Variants in CFAP299 observed in about 807,000 individuals in gnomAD.
CFAP299 encodes cilia and flagella associated protein 299.
Under a neutral mutation model 27.0 loss-of-function variants are expected in CFAP299, and 21 were observed. That is an observed-to-expected ratio of 0.78 (90% confidence interval 0.55 to 1.12). The LOEUF (loss-of-function observed/expected upper bound fraction) is 1.12. Among genes scored for constraint, CFAP299 ranks in the 50% most tolerant of loss-of-function variants. The pLI is 0.00. For synonymous variants in CFAP299, 104 were observed against 98.1 expected, an observed-to-expected ratio of 1.06 and a Z score of -0.36; for missense variants, 310 against 276.6, an observed-to-expected ratio of 1.12 and a Z score of -0.86.
the CFAP299 span, among the ~76,000 whole-genome samples, chr4:80,330,340 T>C: frequency 5.9e-5 from 9 of 152,186 alleles, no homozygotes; most frequent in Admixed American, 5.9e-4. Context: ...ACACTTCTTT[T>C]GGCTTTCTTT....
At chr4:80,725,804 C>G (rs772784617) in intron 3 of CFAP299, among the ~76,000 whole-genome samples, 1 of 152,150 alleles carries the variant, frequency 6.6e-6, no homozygotes, top group Non-Finnish European at 1.5e-5. Flanking sequence ...TTGACTGATA[C>G]CTGAGTTCCA....
intron 3 of CFAP299, among the ~76,000 whole-genome samples, chr4:80,682,340 T>G (rs1286421328): frequency 3.3e-5 from 5 of 152,182 alleles, no homozygotes; most frequent in African/African-American, 1.2e-4. Flanking sequence ...GTTTACTTTT[T>G]ACTCTTTTGA....
chr4:80,865,477 A>G (rs940036006), intron 3 of CFAP299, among the ~76,000 whole-genome samples: 1 of 152,172 alleles, frequency 6.6e-6, no homozygotes, highest in African/African-American at 2.4e-5. Flanking sequence ...TTCTGCCTCT[A>G]TAACCCTCAA....
chr4:80,328,173 G>C, the CFAP299 span, among the ~76,000 whole-genome samples: 1 of 152,114 alleles, frequency 6.6e-6, no homozygotes, highest in Non-Finnish European at 1.5e-5. Context: ...GATAAATATA[G>C]ATTACTCTTT....
intron 3 of CFAP299, among the ~76,000 whole-genome samples, chr4:80,617,977 ATTAAC>A (rs1249975769): frequency 6.6e-6 from 1 of 152,182 alleles, no homozygotes; most frequent in African/African-American, 2.4e-5. Context: ...ATATATAGTC[ATTAAC>A]TTAAATTAAG....
chr4:80,333,346 T>C (rs903847910), upstream of CFAP299, among the ~76,000 whole-genome samples: 1 of 152,228 alleles, frequency 6.6e-6, no homozygotes, highest in Non-Finnish European at 1.5e-5. Context: ...TCTGCAGTCA[T>C]AGTTAACAAG....
At position 80,449,202 on chromosome 4, in the gene CFAP299, A is replaced by G. The variant is rs146083485; in HGVS notation, c.242+86318A>G. 3.3e-4 allele frequency among the ~76,000 whole-genome samples: 50 copies of G among 152,264 alleles called. No individual in the cohort carries two copies. The East Asian group carries it at 9.1e-3, about 28-fold the overall frequency. On this transcript the variant is annotated intron_variant, in intron 2 of 5. Coordinates refer to ENST00000358105, the MANE Select transcript of CFAP299 (RefSeq NM_152770.3). The stretch of plus-strand genomic sequence containing the variant: ...GAGTTTTTGCTCACTTTTCTGCTTC[A>G]GTGTGACTATTATTTGAATCACCAT...
intron 3 of CFAP299, among the ~76,000 whole-genome samples, chr4:80,795,279 T>C (rs1232673642): frequency 6.6e-6 from 1 of 152,194 alleles, no homozygotes; most frequent in African/African-American, 2.4e-5. Context: ...GCCAAACCAT[T>C]GGCCACAGCC....
chr4:80,696,319 G>A (rs1199110833), intron 3 of CFAP299, among the ~76,000 whole-genome samples: 1 of 149,962 alleles, frequency 6.7e-6, no homozygotes, highest in Non-Finnish European at 1.5e-5. Flanking sequence ...AGAAGAAGTA[G>A]AATTTAATCC....
chr4:80,726,633 T>A (rs867568399), intron 3 of CFAP299, among the ~76,000 whole-genome samples: 2 of 152,208 alleles, frequency 1.3e-5, no homozygotes, highest in African/African-American at 4.8e-5. Flanking sequence ...TATCTGTCTT[T>A]GTAATGCTTT....
chr4:80,348,161 G>T (rs1039769882), intron 1 of CFAP299, among the ~76,000 whole-genome samples: 2 of 152,126 alleles, frequency 1.3e-5, no homozygotes, highest in Non-Finnish European at 2.9e-5. Context: ...ATTGATTAAA[G>T]ACTTAAATGT....
intron 3 of CFAP299, among the ~76,000 whole-genome samples, chr4:80,844,193 G>T (rs1731032139): frequency 6.6e-6 from 1 of 152,124 alleles, no homozygotes; most frequent in African/African-American, 2.4e-5. Flanking sequence ...TTGCTATTGT[G>T]AATAGTGCCA....
Position 80,880,883 on chromosome 4 carries a change from G to A in CFAP299, c.476+10748G>A, listed in dbSNP as rs79148550. The stretch of plus-strand genomic sequence containing the variant: ...CATGATTTCTCCTATAGTGGGGAAA[G>A]TGAGATTGCAGTGTGTGCCTGGCCA... On this transcript the variant is annotated intron_variant, in intron 4 of 5. Transcript: ENST00000358105. Among the ~76,000 whole-genome samples the A allele has an allele frequency of 1.8e-4, 27 of 152,336 alleles. 2 individuals carry two copies. In the East Asian group the frequency reaches 5.2e-3, roughly 29 times the overall value.
chr4:80,655,269 A>G (rs1560680155), intron 3 of CFAP299, among the ~76,000 whole-genome samples: 1 of 152,172 alleles, frequency 6.6e-6, no homozygotes, highest in Non-Finnish European at 1.5e-5. Context: ...TGGCTAAGCA[A>G]TCTCTCTAAC....
chr4:80,526,206 A>G (rs1733166024), intron 2 of CFAP299, among the ~76,000 whole-genome samples: 2 of 152,110 alleles, frequency 1.3e-5, no homozygotes, highest in Non-Finnish European at 2.9e-5. Context: ...TACTCAGAAA[A>G]CTTGAGGTGA....
chr4:80,559,875 A>G (rs775600927), intron 2 of CFAP299, among the ~76,000 whole-genome samples: 3 of 152,176 alleles, frequency 2.0e-5, no homozygotes, highest in African/African-American at 4.8e-5. Context: ...TGTGTCTCCA[A>G]GTAAACTTGA....
intron 3 of CFAP299, among the ~76,000 whole-genome samples, chr4:80,798,896 G>A (rs1038238749): frequency 2.0e-5 from 3 of 151,562 alleles, no homozygotes; most frequent in African/African-American, 7.3e-5. Flanking sequence ...TAACAGCAAG[G>A]ATTATCAGTG....
rs1424092285 is a variant in CFAP299 at position 80,856,273 on chromosome 4, G to T, written c.334-13720G>T. On this transcript the variant is annotated intron_variant, in intron 3 of 5. Transcript: ENST00000358105. Reference sequence around the variant, plus strand: ...GGGGTTGTTTTTTTCTTGTAAATTTGTTTGAGTTCAGTGTAGATTCTGGAT... The same window carrying T: ...GGGGTTGTTTTTTTCTTGTAAATTTTTTTGAGTTCAGTGTAGATTCTGGAT... Among the ~76,000 whole-genome samples the T allele has an allele frequency of 1.4e-5, 2 of 145,206 alleles. 1 individual carries two copies.
At chr4:80,774,733 G>T (rs1726426250) in intron 3 of CFAP299, among the ~76,000 whole-genome samples, 1 of 151,966 alleles carries the variant, frequency 6.6e-6, no homozygotes, top group South Asian at 2.1e-4. Flanking sequence ...TCACATACAT[G>T]GATGATGCCA....
Sources: allele counts gnomAD v4.1 joint callset (sites outside exome capture counted in the v4.1 genomes callset), GRCh38; gene constraint gnomAD v4.1.1; transcripts MANE v1.5; gene names NCBI Gene and HGNC (gene_info 2026-07-23, HGNC 2026-07-21).